The following CORO2A variants were observed in gnomAD, a reference collection of about 807,000 sequenced individuals.
CORO2A encodes coronin 2A, also known as coronin-2A.
A neutral mutation model predicts 62.4 loss-of-function variants in CORO2A; 47 were observed. The ratio of observed to expected loss-of-function variants is 0.75; its 90% CI spans 0.60 to 0.96. The LOEUF (loss-of-function observed/expected upper bound fraction) is 0.96, where lower values mean the gene tolerates loss of function less well. Among genes scored for constraint, CORO2A ranks in the 40% least tolerant of loss-of-function variants. CORO2A has a pLI of 0.00. For synonymous variants in CORO2A, 273 were observed against 268.9 expected (o/e 1.02, Z -0.15); for missense variants, 610 against 684.1 (o/e 0.89, Z 1.21).
chr9:98,185,748 T>C (rs1003261958), intron 1 of CORO2A, among the ~76,000 whole-genome samples: 8 of 152,242 alleles, frequency 5.3e-5, no homozygotes, highest in African/African-American at 1.9e-4. Flanking sequence ...CTTGCACTTC[T>C]TACTTCATCC....
intron 1 of CORO2A, among the ~76,000 whole-genome samples, chr9:98,181,025 C>T (rs1440257310): frequency 1.3e-5 from 2 of 152,224 alleles, no homozygotes; most frequent in Non-Finnish European, 2.9e-5. Context: ...TCCCTCACGC[C>T]ACTGACTTTT....
At chr9:98,190,508 T>C (rs564260429) in intron 1 of CORO2A, among the ~76,000 whole-genome samples, 1 of 152,292 alleles carries the variant, frequency 6.6e-6, no homozygotes, top group Admixed American at 6.5e-5. Flanking sequence ...CTGGGCTCGG[T>C]TGCTGGTTTG....
chr9:98,181,436 A>G (rs1369963356), intron 1 of CORO2A, among the ~76,000 whole-genome samples: 1 of 149,828 alleles, frequency 6.7e-6, no homozygotes, highest in East Asian at 2.0e-4. Flanking sequence ...TCAGTCTCCC[A>G]AAGTGCTAGG....
At chr9:98,183,453 G>A (rs896671307) in intron 1 of CORO2A, among the ~76,000 whole-genome samples, 2 of 152,222 alleles carry the variant, frequency 1.3e-5, no homozygotes, top group African/African-American at 2.4e-5. Flanking sequence ...TCCTTATGCT[G>A]TGAGTGCTGA....
At chr9:98,178,353 G>A (rs1200902156) in intron 1 of CORO2A, among the ~76,000 whole-genome samples, 3 of 152,126 alleles carry the variant, frequency 2.0e-5, no homozygotes, top group Non-Finnish European at 4.4e-5. Context: ...CCATTCCCTT[G>A]TCTTCATGTA....
intron 1 of CORO2A, among the ~76,000 whole-genome samples, chr9:98,172,301 TCCGAG>T (rs1828048333): frequency 8.5e-6 from 1 of 118,046 alleles, no homozygotes; most frequent in African/African-American, 3.4e-5. Flanking sequence ...ACGCCCCACT[TCCGAG>T]CTCAGCCCCA....
chr9:98,154,026 AC>A (rs1284646921), intron 2 of CORO2A, among the ~76,000 whole-genome samples: 2 of 152,098 alleles, frequency 1.3e-5, no homozygotes, highest in African/African-American at 4.8e-5. Context: ...ATATTAAATC[AC>A]CTTTAGTTTC....
At chr9:98,155,607 T>C (rs1013477610) in intron 2 of CORO2A, among the ~76,000 whole-genome samples, 5 of 152,030 alleles carry the variant, frequency 3.3e-5, no homozygotes, top group Admixed American at 6.6e-5. Flanking sequence ...AGCCTCCCAA[T>C]GTGCTGGGAT....
At chr9:98,138,780 G>A (rs887195379) in intron 2 of CORO2A, among the ~76,000 whole-genome samples, 1 of 152,102 alleles carries the variant, frequency 6.6e-6, no homozygotes, top group Non-Finnish European at 1.5e-5. Flanking sequence ...TGGGCGCGGT[G>A]GCTCACGACT....
rs1467069600 is a variant in CORO2A, at chr9:98,121,123, CTG to C, written c.*3649_*3650del. The C allele has an allele frequency of 1.3e-5, 2 of 152,208 alleles. No individual in the cohort carries two copies. Among genetic ancestry groups the C allele is most frequent in the Admixed American group, 6.5e-5 (1 of 15,274 alleles). The allele number at this position is 152,208 out of a possible 1,614,324, so 9.4% of individuals were successfully genotyped here. Reference sequence around the variant, plus strand: ...AACAACATTAAAACAATCATTCAAACTGTTTCAGGCACGGTTTCAATTAAAAG... The same window carrying C: ...AACAACATTAAAACAATCATTCAAACTTTCAGGCACGGTTTCAATTAAAAG... On this transcript the variant is annotated 3_prime_UTR_variant, in exon 12 of 12. Transcript: ENST00000375077.
intron 9 of CORO2A, 61 bp from the exon 10 acceptor site, chr9:98,128,321 C>A: frequency 1.5e-6 from 2 of 1,353,760 alleles, no homozygotes; most frequent in Non-Finnish European, 2.1e-6. Context: ...ATGGGAAAGG[C>A]CCTTAGACCT....
At chr9:98,165,290 T>C (rs573391075) in intron 1 of CORO2A, among the ~76,000 whole-genome samples, 1 of 152,330 alleles carries the variant, frequency 6.6e-6, no homozygotes, top group South Asian at 2.1e-4. Flanking sequence ...AAATTCCTGG[T>C]AGCCCTGACT....
chr9:98,171,121 G>C (rs1180288060), intron 1 of CORO2A, among the ~76,000 whole-genome samples: 1 of 152,212 alleles, frequency 6.6e-6, no homozygotes, highest in African/African-American at 2.4e-5. Context: ...GACACCTCCA[G>C]GAGGCTGAAA....
intron 6 of CORO2A, among the ~76,000 whole-genome samples, chr9:98,131,532 T>C (rs376663666): frequency 7.2e-5 from 11 of 152,072 alleles, no homozygotes; most frequent in East Asian, 5.8e-4. Context: ...TAGCTCAGGC[T>C]GGTCTCGAAT....
At chr9:98,134,729 A>T (rs776379064) in intron 4 of CORO2A, 77 bp downstream of exon 4, 5 of 1,454,576 alleles carry the variant, frequency 3.4e-6, no homozygotes, top group Non-Finnish European at 4.6e-6. Flanking sequence ...CAGAACTGTG[A>T]CAGAATACAT....
intron 3 of CORO2A, 119 bp downstream of exon 3, chr9:98,137,453 G>T: frequency 1.2e-6 from 1 of 806,928 alleles, no homozygotes; most frequent in Non-Finnish European, 2.1e-6. Context: ...TCCCCACACA[G>T]TGACCTCACC....
intron 4 of CORO2A, 85 bp from the exon 5 acceptor site, chr9:98,133,302 A>ACTGTGTTT: frequency 7.4e-7 from 1 of 1,357,800 alleles, no homozygotes; most frequent in Non-Finnish European, 1.0e-6. Flanking sequence ...ATGCAGTGAA[A>ACTGTGTTT]CACAGTATCC....
intron 1 of CORO2A, among the ~76,000 whole-genome samples, chr9:98,185,386 C>T (rs1024543831): frequency 1.3e-5 from 2 of 152,206 alleles, no homozygotes; most frequent in Non-Finnish European, 2.9e-5. Context: ...TATTCTTCCC[C>T]TTTTACAGAT....
chr9:98,153,649 A>AACACACAC (rs55685018), intron 2 of CORO2A, among the ~76,000 whole-genome samples: 2,734 of 133,936 alleles, frequency 0.02, 44 homozygotes, highest in African/African-American at 0.034. Flanking sequence ...TCTGTTTCCA[A>AACACACAC]ACACACACAC....
Sources: allele counts gnomAD v4.1 joint callset (sites outside exome capture counted in the v4.1 genomes callset), GRCh38; gene constraint gnomAD v4.1.1; transcripts MANE v1.5; gene names NCBI Gene and HGNC (gene_info 2026-07-23, HGNC 2026-07-21).